Variants in COPG1 observed in about 807,000 individuals in gnomAD.
COPG1 encodes coatomer subunit gamma-1.
Under a neutral mutation model 102.8 loss-of-function variants are expected in COPG1, and 29 were observed. The ratio of observed to expected loss-of-function variants is 0.28; its 90% confidence interval spans 0.21 to 0.38. COPG1 has a LOEUF of 0.38. Ranked by LOEUF, COPG1 falls within the 10% of genes least tolerant of loss-of-function variation. The probability of loss-of-function intolerance (pLI) is 1.00; values close to 1 mark genes in which losing one functional copy is unlikely to be tolerated. For synonymous variants in COPG1, 406 were observed against 421.6 expected, an observed-to-expected ratio of 0.96 and a Z score of 0.45; for missense variants, 875 against 1,132.7, an observed-to-expected ratio of 0.77 and a Z score of 3.27.
chr3:129,254,094 C>T (rs564364769), intron 5 of COPG1, among the ~76,000 whole-genome samples: 7 of 149,586 alleles, frequency 4.7e-5, no homozygotes, highest in Admixed American at 1.3e-4. Context: ...GTCGGGAGTT[C>T]AAGACCAGCC....
intron 18 of COPG1, among the ~76,000 whole-genome samples, chr3:129,270,202 G>T (rs1164014386): frequency 6.6e-6 from 1 of 151,778 alleles, no homozygotes; most frequent in African/African-American, 2.4e-5. Flanking sequence ...TAACATAGCT[G>T]CAGGTTCTGG....
chr3:129,265,088 T>G (rs1940025595), intron 13 of COPG1, among the ~76,000 whole-genome samples: 2 of 151,920 alleles, frequency 1.3e-5, no homozygotes, highest in South Asian at 4.1e-4. Flanking sequence ...CCCAAAGTGC[T>G]GGGATTACAG....
rs1271096229 is a variant in COPG1 at position 129,275,617 on chromosome 3, C to T, written c.2494+325C>T. 6.6e-6 allele frequency among the ~76,000 whole-genome samples: 1 copy of T among 152,042 alleles called. No individual in the cohort carries two copies. The highest frequency in any genetic ancestry group is 1.9e-4 in the East Asian group (1 of 5,194). ...TATGTACAAATGGTATATATATTGT[C>T]CTCCGATTTGCTTTTCACTTTACAT... On this transcript the variant is annotated intron_variant, in intron 23 of 23. Coordinates refer to ENST00000314797, the MANE Select transcript of COPG1 (RefSeq NM_016128.4). This position sits in a 1 kb window ranked among gnomAD's most constrained non-coding sequence, Gnocchi z 5.0.
chr3:129,253,513 G>C (rs1939740996), intron 5 of COPG1, among the ~76,000 whole-genome samples: 2 of 152,182 alleles, frequency 1.3e-5, no homozygotes, highest in Admixed American at 6.6e-5. Flanking sequence ...GGCCTCTGTA[G>C]CCCCAGAATT....
intron 12 of COPG1, among the ~76,000 whole-genome samples, chr3:129,262,269 T>C (rs922608269): frequency 4.0e-5 from 6 of 151,572 alleles, no homozygotes; most frequent in Non-Finnish European, 7.4e-5. Flanking sequence ...TTTTTTTTTT[T>C]TGAGTTGGAG....
chr3:129,267,556 G>A (rs914205813), intron 15 of COPG1, among the ~76,000 whole-genome samples: 1 of 152,148 alleles, frequency 6.6e-6, no homozygotes, highest in African/African-American at 2.4e-5. Context: ...GGGAGATGGA[G>A]CTTGCAGTGA....
At chr3:129,256,247 G>T in intron 8 of COPG1, 93 bp downstream of exon 8, 1 of 1,025,468 alleles carries the variant, frequency 9.8e-7, no homozygotes, top group South Asian at 1.3e-5. Context: ...CGAGATCCTT[G>T]TGACCCCTGG....
At chr3:129,259,479 AAG>A (rs1230471308) in intron 10 of COPG1, among the ~76,000 whole-genome samples, 141 of 124,990 alleles carry the variant, frequency 1.1e-3, no homozygotes, top group South Asian at 7.1e-3. Flanking sequence ...AAAAAAAAAA[AAG>A]AAATGGAAAA....
At chr3:129,266,130 C>G (rs890908666) in intron 14 of COPG1, among the ~76,000 whole-genome samples, 1 of 152,032 alleles carries the variant, frequency 6.6e-6, no homozygotes, top group Non-Finnish European at 1.5e-5. Context: ...TGCCATCATG[C>G]CCAGCTAATT....
chr3:129,251,085 G>A (rs1245178748), intron 2 of COPG1, among the ~76,000 whole-genome samples: 1 of 151,046 alleles, frequency 6.6e-6, no homozygotes, highest in Admixed American at 6.6e-5. Flanking sequence ...CACCACACCC[G>A]GCTAATTTTT....
In COPG1 at chr3:129,275,664, G is replaced by A. The variant is rs761321735; in HGVS notation, c.2494+372G>A. 5.3e-5 allele frequency among the ~76,000 whole-genome samples: 8 copies of A among 152,094 alleles called. No homozygotes were observed. Among genetic ancestry groups the A allele is most frequent in the East Asian group, 1.9e-4 (1 of 5,194 alleles). On this transcript the variant is annotated intron_variant, in intron 23 of 23. Transcript: ENST00000314797. This position sits in a 1 kb window ranked among gnomAD's most constrained non-coding sequence, Gnocchi z 5.0. The stretch of plus-strand genomic sequence containing the variant: ...ACATTGCATCTTAGAGATCTTCCCC[G>A]TCAATATGTAGAGCTTCCTCATTCT...
At chr3:129,276,098 C>CG in intron 23 of COPG1, among the ~76,000 whole-genome samples, 1 of 152,206 alleles carries the variant, frequency 6.6e-6, no homozygotes, top group South Asian at 2.1e-4. Context: ...ATAAATAACT[C>CG]CAAGTTGCCT....
rs1261032428 is a variant in COPG1, at chr3:129,249,673, G to A, written c.-37G>A. On this transcript the variant is annotated 5_prime_UTR_variant, in exon 1 of 24. Coordinates refer to ENST00000314797, the MANE Select transcript of COPG1 (RefSeq NM_016128.4). ...CGCTACTCCGTGCCGCGCCCGTCGA[G>A]CATTGCGTTGCTGCATTGCGCCCCA... 2.6e-6 allele frequency: 4 copies of A among 1,550,494 alleles called. No homozygotes were observed. The Admixed American group carries it at 5.9e-5, about 23-fold the overall frequency.
intron 21 of COPG1, among the ~76,000 whole-genome samples, chr3:129,273,910 A>T (rs1940223401): frequency 6.6e-6 from 1 of 152,160 alleles, no homozygotes; most frequent in African/African-American, 2.4e-5. Context: ...TAAGTACAGG[A>T]TCCTTCTGAG....
intron 12 of COPG1, among the ~76,000 whole-genome samples, chr3:129,262,988 A>ACT (rs1939955534): frequency 7.0e-6 from 1 of 142,874 alleles, no homozygotes; most frequent in Admixed American, 7.4e-5. Flanking sequence ...GTGCCACTGC[A>ACT]CTCCAGACAG....
chr3:129,268,607 A>G lies in COPG1; in HGVS notation c.1761A>G (p.Ala587=), dbSNP rs754098659. ...TGCCCCTGGCCACGGCGCCCATGGC[A>G]GAGCAGAGAACAGGTAACACTTATA... ...KSVPLATAPM[A]EQRTESTPIT... The change falls in exon 17 of 24, where the codon GCA becomes GCG. Residue 587 remains alanine, a synonymous_variant. Transcript: ENST00000314797. 1.9e-6 allele frequency: 3 copies of G among 1,614,066 alleles called. No individual in the cohort carries two copies. The South Asian group carries it at 3.3e-5, about 18-fold the overall frequency.
Position 129,275,841 on chromosome 3 carries a change from A to AT in COPG1, c.2494+557dup, listed in dbSNP as rs574322676. 1.3e-5 allele frequency among the ~76,000 whole-genome samples: 2 copies of AT among 151,918 alleles called. No individual in the cohort carries two copies. Among genetic ancestry groups the AT allele is most frequent in the African/African-American group, 4.8e-5 (2 of 41,342 alleles). ...TTTTTTCATCCCAAACTGAATCCTCATTTTTTTTATAGTTGCTTAGTATTC... is the reference window on the plus strand; with the variant it reads ...TTTTTTCATCCCAAACTGAATCCTCATTTTTTTTTATAGTTGCTTAGTATTC... On this transcript the variant is annotated intron_variant, in intron 23 of 23. Transcript: ENST00000314797. The surrounding 1 kb of genome is among the most constrained non-coding windows in gnomAD (Gnocchi z 5.0).
chr3:129,259,317 C>T (rs1024413205), intron 10 of COPG1, among the ~76,000 whole-genome samples: 8 of 151,926 alleles, frequency 5.3e-5, no homozygotes, highest in Admixed American at 2.6e-4. Flanking sequence ...AAAAATTAGC[C>T]GGGCGTGGTG....
chr3:129,266,939 G>A (rs1940072160), intron 14 of COPG1, 85 bp from the exon 15 acceptor site: 1 of 1,193,972 alleles, frequency 8.4e-7, no homozygotes, highest in East Asian at 2.4e-5. Flanking sequence ...TCTTCTGCCT[G>A]AAGACCCATT....
Sources: gnomAD v4.1 joint callset for allele counts (sites outside exome capture counted in the v4.1 genomes callset) on GRCh38, gnomAD v4.1.1 for gene constraint, Gnocchi (gnomAD v3.1) non-coding constraint, MANE v1.5 for transcripts, NCBI Gene and HGNC (gene_info 2026-07-23, HGNC 2026-07-21) for gene names.